The following ASIC2 variants were observed in gnomAD, a reference collection of about 807,000 sequenced individuals.
ASIC2 encodes acid sensing ion channel subunit 2.
In ASIC2, 25 loss-of-function variants were observed where a neutral mutation model predicts 57.3. That is an observed-to-expected ratio of 0.44 (90% CI 0.32 to 0.61). The LOEUF is 0.61. Among genes scored for constraint, ASIC2 ranks in the 20% least tolerant of loss-of-function variants. The pLI is 0.06. For missense variants in ASIC2, 641 were observed against 738.1 expected (o/e 0.87, Z 1.52); for synonymous variants, 319 against 307.5 (o/e 1.04, Z -0.39).
At chr17:33,625,779 TG>T (rs1905964077) in intron 1 of ASIC2, among the ~76,000 whole-genome samples, 1 of 152,168 alleles carries the variant, frequency 6.6e-6, no homozygotes, top group Non-Finnish European at 1.5e-5. Context: ...AACAAGCTCA[TG>T]GCCAGCTGGA....
intron 3 of ASIC2, among the ~76,000 whole-genome samples, chr17:33,041,879 A>T (rs2091931209): frequency 6.6e-6 from 1 of 152,028 alleles, no homozygotes; most frequent in African/African-American, 2.4e-5. Context: ...GGGGCACTAT[A>T]CTCCGAGAGG....
rs150335611 is a variant in ASIC2, at chr17:33,133,665, A to G, written c.709-21598T>C. Reference sequence around the variant, plus strand: ...GACACTGCTGCCATGAGGCAGTTCAAGAAATAGGGAAGTTATGAAATGCAG... The same window carrying G: ...GACACTGCTGCCATGAGGCAGTTCAGGAAATAGGGAAGTTATGAAATGCAG... On this transcript the variant is annotated intron_variant, in intron 1 of 9. Transcript: ENST00000225823. 5.8e-3 allele frequency among the ~76,000 whole-genome samples: 881 copies of G among 152,344 alleles called. 34 individuals are homozygous for G. Among genetic ancestry groups the G allele is most frequent in the Admixed American group, 0.053 (818 of 15,302 alleles).
At chr17:33,400,208 G>A (rs946738672) in intron 1 of ASIC2, among the ~76,000 whole-genome samples, 5 of 152,198 alleles carry the variant, frequency 3.3e-5, no homozygotes, top group African/African-American at 1.2e-4. Flanking sequence ...TGAGATGGGG[G>A]ACAACTGATT....
At chr17:34,116,835 T>C (rs758703355) in intron 1 of ASIC2, among the ~76,000 whole-genome samples, 2 of 152,264 alleles carry the variant, frequency 1.3e-5, no homozygotes, top group South Asian at 4.1e-4. Flanking sequence ...GAGACTCCGA[T>C]ACCTTTTGCA....
intron 1 of ASIC2, among the ~76,000 whole-genome samples, chr17:33,547,489 C>T (rs1423961503): frequency 6.6e-6 from 1 of 152,042 alleles, no homozygotes; most frequent in Non-Finnish European, 1.5e-5. Flanking sequence ...CTTTGGAGTC[C>T]CTCATACCCT....
chr17:33,548,834 G>C (rs1453379477), intron 1 of ASIC2, among the ~76,000 whole-genome samples: 1 of 152,012 alleles, frequency 6.6e-6, no homozygotes, highest in Admixed American at 6.6e-5. Context: ...TCAGCCTGGA[G>C]TCTCTCCCCC....
chr17:33,469,982 G>A (rs986363677), intron 1 of ASIC2, among the ~76,000 whole-genome samples: 2 of 152,038 alleles, frequency 1.3e-5, no homozygotes, highest in Non-Finnish European at 2.9e-5. Context: ...CTAACATCTA[G>A]TTAGGGGGAC....
chr17:33,856,500 GT>G (rs1567736149), intron 1 of ASIC2, among the ~76,000 whole-genome samples: 124 of 16,842 alleles, frequency 7.4e-3, no homozygotes, highest in South Asian at 0.016. Context: ...TAATAGTGTT[GT>G]CAGTAGTAGT....
At chr17:33,738,605 C>T (rs565242657) in intron 1 of ASIC2, among the ~76,000 whole-genome samples, 12 of 152,298 alleles carry the variant, frequency 7.9e-5, no homozygotes, top group African/African-American at 2.6e-4. Context: ...TACTGCCTTC[C>T]CTCCTCTGTG....
chr17:33,303,443 C>A (rs960239305), intron 1 of ASIC2, among the ~76,000 whole-genome samples: 1 of 152,196 alleles, frequency 6.6e-6, no homozygotes, highest in Non-Finnish European at 1.5e-5. Context: ...GGTTCAAGTA[C>A]CAGGCTTGGC....
rs202056800 is a variant in ASIC2, at chr17:33,612,157, AG to A, written c.556-500091del. On this transcript the variant is annotated intron_variant, in intron 1 of 9. Transcript: ENST00000359872. ...ATTAAATGAGGCCCACCCACATTGC[AG>A]AGGGCAATCTGCTTTACTCAGTCTA... Among the ~76,000 whole-genome samples the A allele has an allele frequency of 6.4e-3, 962 of 149,868 alleles. 6 individuals are homozygous for A. The highest frequency in any genetic ancestry group is 0.041 in the Middle Eastern group (12 of 294).
chr17:33,844,598 A>G (rs1356365085), intron 1 of ASIC2, among the ~76,000 whole-genome samples: 3 of 152,222 alleles, frequency 2.0e-5, no homozygotes, highest in South Asian at 4.1e-4. Flanking sequence ...CAGAGATGAT[A>G]GTCATCTGGG....
chr17:33,962,863 T>C (rs1435180429), intron 1 of ASIC2, among the ~76,000 whole-genome samples: 1 of 152,198 alleles, frequency 6.6e-6, no homozygotes, highest in East Asian at 1.9e-4. Flanking sequence ...ATATATTTCT[T>C]GAGGCTGACC....
At chr17:33,314,176 C>A (rs376722164) in intron 1 of ASIC2, among the ~76,000 whole-genome samples, 2 of 152,228 alleles carry the variant, frequency 1.3e-5, no homozygotes, top group South Asian at 2.1e-4. Context: ...ACAACTCAGA[C>A]CCTCTGTCTT....
chr17:33,580,178 C>T (rs929136479), intron 1 of ASIC2: 4 of 152,150 alleles, frequency 2.6e-5, no homozygotes, highest in Admixed American at 6.5e-5. Context: ...AGCATCCAAA[C>T]TGGCATGGAG....
At chr17:33,827,325 T>C (rs888159903) in intron 1 of ASIC2, among the ~76,000 whole-genome samples, 1 of 148,082 alleles carries the variant, frequency 6.8e-6, no homozygotes, top group Non-Finnish European at 1.5e-5. Flanking sequence ...CTAGGTCCTG[T>C]TGCAGCTCAC....
At chr17:33,738,112 G>C (rs983384409) in intron 1 of ASIC2, among the ~76,000 whole-genome samples, 1 of 152,126 alleles carries the variant, frequency 6.6e-6, no homozygotes, top group South Asian at 2.1e-4. Context: ...AAGACCAAAG[G>C]CTTGCATTTT....
In ASIC2 at chr17:33,017,846, G is replaced by A. The variant is rs558450142; in HGVS notation, c.1442-162C>T. On this transcript the variant is annotated intron_variant, in intron 7 of 9. Transcript: ENST00000225823. ...GCCTTTGGCAGTTCCTTCCCTCACGGCACAGCTCTGAGAGCTACCATTTTT... is the reference window on the plus strand; with the variant it reads ...GCCTTTGGCAGTTCCTTCCCTCACGACACAGCTCTGAGAGCTACCATTTTT... Among the ~76,000 whole-genome samples the A allele has an allele frequency of 2.6e-5, 4 of 152,326 alleles. No individual in the cohort carries two copies. The East Asian group carries it at 5.8e-4, about 22-fold the overall frequency.
At chr17:34,023,910 A>G (rs186413645) in intron 1 of ASIC2, among the ~76,000 whole-genome samples, 72 of 152,356 alleles carry the variant, frequency 4.7e-4, no homozygotes, top group Non-Finnish European at 9.3e-4. Flanking sequence ...CTGCAAATAC[A>G]ATGTTTGTTA....
Sources: gnomAD v4.1 joint callset for allele counts (sites outside exome capture counted in the v4.1 genomes callset) on GRCh38, gnomAD v4.1.1 for gene constraint, MANE v1.5 for transcripts, NCBI Gene and HGNC (gene_info 2026-07-23, HGNC 2026-07-21) for gene names.